The following PHACTR4 variants were observed in gnomAD, a reference collection of about 807,000 sequenced individuals.
PHACTR4 encodes the protein protein phosphatase 1, regulatory subunit 124.
In PHACTR4, 51 loss-of-function variants were observed where a neutral mutation model predicts 72.7. The ratio of observed to expected loss-of-function variants is 0.70; its 90% confidence interval spans 0.56 to 0.89. The LOEUF (loss-of-function observed/expected upper bound fraction) is 0.89, where lower values mean the gene tolerates loss of function less well. Ranked by LOEUF, PHACTR4 falls within the 40% of genes least tolerant of loss-of-function variation. PHACTR4 has a pLI of 0.00. For synonymous variants in PHACTR4, 255 were observed against 302.5 expected (o/e 0.84, Z 1.63); for missense variants, 731 against 861.8 (o/e 0.85, Z 1.90).
rs745348009 is a variant in PHACTR4, at chr1:28,496,563, G to A, written c.*14G>A. 13 of 1,613,706 alleles carry A rather than the reference G, an allele frequency of 8.1e-6. No homozygotes were observed. The highest frequency in any genetic ancestry group is 1.1e-5 in the Non-Finnish European group (13 of 1,179,864). On this transcript the variant is annotated 3_prime_UTR_variant, in exon 14 of 14. Coordinates refer to ENST00000373839, the MANE Select transcript of PHACTR4 (RefSeq NM_001048183.3). The stretch of plus-strand genomic sequence containing the variant: ...CATCGTCCATGATGCCAAAGGTTGA[G>A]AGAGGAATCAACATGGCTGCTTTGC...
chr1:28,402,773 A>G (rs932390937), intron 1 of PHACTR4, among the ~76,000 whole-genome samples: 1 of 152,208 alleles, frequency 6.6e-6, no homozygotes, highest in Non-Finnish European at 1.5e-5. Context: ...AAAACTACAC[A>G]GGATTTTTCT....
At chr1:28,442,689 A>G (rs1657129168) in intron 2 of PHACTR4, among the ~76,000 whole-genome samples, 1 of 151,880 alleles carries the variant, frequency 6.6e-6, no homozygotes. Context: ...GTATTTTTGT[A>G]GAGACGGGGT....
At chr1:28,417,066 C>G (rs1007215552) in intron 2 of PHACTR4, among the ~76,000 whole-genome samples, 41 of 151,346 alleles carry the variant, frequency 2.7e-4, no homozygotes, top group Admixed American at 1.1e-3. Context: ...GCTGTTCCCC[C>G]CTTCCTTCCC....
At chr1:28,448,939 C>A (rs534141434) in intron 2 of PHACTR4, among the ~76,000 whole-genome samples, 2 of 151,620 alleles carry the variant, frequency 1.3e-5, no homozygotes, top group Admixed American at 6.6e-5. Flanking sequence ...TGCTTGAGAC[C>A]AGGAGTTCGA....
chr1:28,487,183 G>T (rs1013958769), intron 9 of PHACTR4, among the ~76,000 whole-genome samples: 2 of 151,850 alleles, frequency 1.3e-5, no homozygotes, highest in Non-Finnish European at 2.9e-5. Flanking sequence ...TGGCTAACAC[G>T]GTGAAACGCC....
At chr1:28,490,611 C>T (rs1404960942) in intron 10 of PHACTR4, among the ~76,000 whole-genome samples, 4 of 151,574 alleles carry the variant, frequency 2.6e-5, no homozygotes, top group South Asian at 4.2e-4. Flanking sequence ...TTTGGAAGGC[C>T]GAGGCGGGTG....
At chr1:28,396,552 A>C (rs1653516621) in intron 1 of PHACTR4, among the ~76,000 whole-genome samples, 1 of 151,938 alleles carries the variant, frequency 6.6e-6, no homozygotes, top group Non-Finnish European at 1.5e-5. Context: ...AAGATAATAA[A>C]GATGCGTGTA....
In PHACTR4 at chr1:28,484,302, C is replaced by CTGG. The variant is rs1660483126; in HGVS notation, c.1760+3698_1760+3699insTGG. On this transcript the variant is annotated intron_variant, in intron 9 of 13. Coordinates refer to ENST00000373839, the MANE Select transcript of PHACTR4 (RefSeq NM_001048183.3). ...CACCATGGCACTCCAGTCTGGACGA[C>CTGG]AGAGTAAGACTCCATCTCAAAAAAT... is the stretch of plus-strand genomic sequence containing the variant. Among the ~76,000 whole-genome samples the CTGG allele has an allele frequency of 2.0e-5, 3 of 152,162 alleles. No homozygotes were observed. The South Asian group carries it at 6.2e-4, about 32-fold the overall frequency.
intron 1 of PHACTR4, among the ~76,000 whole-genome samples, chr1:28,376,245 G>A (rs1651656235): frequency 1.3e-5 from 2 of 151,190 alleles, no homozygotes; most frequent in Non-Finnish European, 2.9e-5. Context: ...CCTAGGAGGT[G>A]GAGGTTGCAA....
chr1:28,435,420 A>G (rs369345724), intron 2 of PHACTR4, among the ~76,000 whole-genome samples: 2 of 152,140 alleles, frequency 1.3e-5, no homozygotes, highest in Admixed American at 6.5e-5. Context: ...ATGTGCCACC[A>G]CTCCCAGCTA....
At chr1:28,445,116 G>T (rs920117180) in intron 2 of PHACTR4, among the ~76,000 whole-genome samples, 3 of 149,382 alleles carry the variant, frequency 2.0e-5, no homozygotes, top group African/African-American at 7.4e-5. Flanking sequence ...CAGCATGCCC[G>T]ACTAATTTTT....
intron 8 of PHACTR4, among the ~76,000 whole-genome samples, chr1:28,479,929 A>T (rs903847750): frequency 2.0e-5 from 3 of 152,126 alleles, no homozygotes; most frequent in Non-Finnish European, 2.9e-5. Flanking sequence ...CAACAACAAT[A>T]TGGAGTAGAG....
intron 4 of PHACTR4, among the ~76,000 whole-genome samples, chr1:28,463,356 A>G (rs1023371675): frequency 2.0e-5 from 3 of 152,130 alleles, no homozygotes; most frequent in African/African-American, 2.4e-5. Flanking sequence ...ACATTGCAGA[A>G]CCCTCTATAT....
chr1:28,382,595 G>T (rs191367921), intron 1 of PHACTR4, among the ~76,000 whole-genome samples: 3 of 152,042 alleles, frequency 2.0e-5, no homozygotes, highest in Non-Finnish European at 4.4e-5. Context: ...GAGCCACCGC[G>T]CCCGGCCTAT....
intron 2 of PHACTR4, chr1:28,453,716 G>C (rs1336986446): frequency 2.4e-6 from 3 of 1,255,932 alleles, no homozygotes; most frequent in Admixed American, 1.8e-5. Flanking sequence ...GAACCCATTT[G>C]AGGTTCTTCA....
chr1:28,376,917 G>A lies in PHACTR4; in HGVS notation c.-39+7092G>A, dbSNP rs190453929. The stretch of plus-strand genomic sequence containing the variant: ...CTCTCAAAGTGTGGGGATTACAGGC[G>A]TGAGCCAGCGCGCCCGGCCTTAATT... On this transcript the variant is annotated intron_variant, in intron 1 of 13. Coordinates refer to ENST00000373839, the MANE Select transcript of PHACTR4 (RefSeq NM_001048183.3). 1.2e-3 allele frequency among the ~76,000 whole-genome samples: 179 copies of A among 152,144 alleles called. 1 individual carries two copies. The highest frequency in any genetic ancestry group is 9.1e-3 in the South Asian group (44 of 4,824).
At chr1:28,418,322 AAT>A (rs1655252340) in intron 2 of PHACTR4, among the ~76,000 whole-genome samples, 4 of 146,120 alleles carry the variant, frequency 2.7e-5, no homozygotes, top group Non-Finnish European at 4.5e-5. Flanking sequence ...AAAAAAAAAT[AAT>A]AATAATAATA....
intron 8 of PHACTR4, among the ~76,000 whole-genome samples, chr1:28,477,108 CAG>C (rs1226395798): frequency 1.4e-5 from 2 of 139,272 alleles, no homozygotes; most frequent in African/African-American, 2.7e-5. Context: ...TTTTTTTAGA[CAG>C]AGTCTTGCTC....
chr1:28,408,628 G>A (rs1010302289), intron 2 of PHACTR4, among the ~76,000 whole-genome samples: 3 of 151,698 alleles, frequency 2.0e-5, no homozygotes, highest in African/African-American at 4.8e-5. Flanking sequence ...ATATATGTAC[G>A]TGTGTGTGTC....
Sources: gnomAD v4.1 joint callset for allele counts (sites outside exome capture counted in the v4.1 genomes callset) on GRCh38, gnomAD v4.1.1 for gene constraint, MANE v1.5 for transcripts, NCBI Gene and HGNC (gene_info 2026-07-23, HGNC 2026-07-21) for gene names.